Variants in TET2 observed in about 807,000 individuals in gnomAD.
The protein encoded by TET2 is tet methylcytosine dioxygenase 2.
In TET2, 299 loss-of-function variants were observed where a neutral mutation model predicts 142.9. The ratio of observed to expected loss-of-function variants is 2.09; its 90% CI spans 1.90 to 2.30. TET2 has a LOEUF of 2.30. Among genes scored for constraint, TET2 ranks in the 30% most tolerant of loss-of-function variants. TET2 has a pLI of 0.00. For missense variants in TET2, 2,418 were observed against 2,378.0 expected (o/e 1.02, Z -0.35); for synonymous variants, 819 against 849.0 (o/e 0.96, Z 0.61).
At chr4:105,240,636 A>G in intron 3 of TET2, 1 of 1,080,204 alleles carries the variant, frequency 9.3e-7, no homozygotes, top group Non-Finnish European at 1.1e-6. Context: ...AAAACACCAC[A>G]CATCTCATAG....
intron 5 of TET2, 42 bp from the exon 6 acceptor site, chr4:105,243,527 GT>G (rs1373292505): frequency 2.0e-6 from 3 of 1,534,912 alleles, no homozygotes; most frequent in Non-Finnish European, 2.6e-6. Flanking sequence ...TTTTGTTTTG[GT>G]TGGGGTGGGG....
upstream of TET2, chr4:105,146,815 A>AG (rs1268668189): frequency 1.3e-5 from 2 of 152,164 alleles, no homozygotes; most frequent in Non-Finnish European, 2.9e-5. Flanking sequence ...GGCCCCGCTG[A>AG]GTGATGAGAA....
At chr4:105,210,592 G>A (rs774316647) in intron 2 of TET2, among the ~76,000 whole-genome samples, 10 of 152,112 alleles carry the variant, frequency 6.6e-5, no homozygotes, top group Non-Finnish European at 1.5e-4. Context: ...CGAAATAGAA[G>A]CCTTAATTTT....
chr4:105,226,523 A>G (rs1314665703), intron 2 of TET2, among the ~76,000 whole-genome samples: 1 of 152,022 alleles, frequency 6.6e-6, no homozygotes, highest in Admixed American at 6.6e-5. Flanking sequence ...CCCTCATGGC[A>G]TGGTGCTGTC....
chr4:105,246,786 C>A (rs976948051), intron 6 of TET2, among the ~76,000 whole-genome samples: 4 of 152,222 alleles, frequency 2.6e-5, no homozygotes, highest in African/African-American at 9.6e-5. Flanking sequence ...TGAGTTCTTA[C>A]AAATCCCTGT....
Position 105,235,866 on chromosome 4 carries a change from C to T in TET2, c.1924C>T (p.Gln642Ter), listed in dbSNP as rs147591998. ...GTACCAAGTTGAAATGAATCAAGGG[C>T]AGTCCCAAGGTACAGTGGACCAACA... ...QMYQVEMNQG[Q>*]SQGTVDQHLQ... Residue 642 changes from glutamine to a stop codon, truncating the protein, a stop_gained, in exon 3 of 11, where the codon CAG (glutamine) becomes TAG (stop). Coordinates refer to ENST00000380013, the MANE Select transcript of TET2 (RefSeq NM_001127208.3). LOFTEE classifies it high-confidence loss of function. The T allele has an allele frequency of 1.9e-6, 3 of 1,613,948 alleles. No homozygotes were observed. Among genetic ancestry groups the T allele is most frequent in the South Asian group, 1.1e-5 (1 of 91,068 alleles).
chr4:105,170,143 T>C (rs1035824099), intron 1 of TET2, among the ~76,000 whole-genome samples: 1 of 152,174 alleles, frequency 6.6e-6, no homozygotes, highest in Non-Finnish European at 1.5e-5. Context: ...GGGAATTGCA[T>C]AGTTTATCAA....
rs1731294202 is a variant in TET2, at chr4:105,277,979, T to A, written c.*1460T>A. The A allele has an allele frequency of 4.7e-6, 1 of 214,300 alleles. No homozygotes were observed. Among genetic ancestry groups the A allele is most frequent in the South Asian group, 1.9e-4 (1 of 5,362 alleles). The allele number at this position is 214,300 out of a possible 1,614,324, so 13.3% of individuals were successfully genotyped here. ...CAGACTGATGCCTGCATAAGATGAATAAACAGGGTTAGTTCCATGTGAATC... is the reference window on the plus strand; with the variant it reads ...CAGACTGATGCCTGCATAAGATGAAAAAACAGGGTTAGTTCCATGTGAATC... On this transcript the variant is annotated 3_prime_UTR_variant, in exon 11 of 11. Transcript: ENST00000380013.
rs1553918861 is a variant in TET2, at chr4:105,278,203, T to TA, written c.*1684_*1685insA. The TA allele has an allele frequency of 4.4e-5, 7 of 159,046 alleles. No individual in the cohort carries two copies. The highest frequency in any genetic ancestry group is 7.8e-5 in the Non-Finnish European group (6 of 76,816). 9.9% of individuals were successfully genotyped at this position (159,046 alleles called of 1,614,324 possible). A position where few individuals can be genotyped will look rare whatever the true frequency, so the allele number is the denominator to read the frequency against. On this transcript the variant is annotated 3_prime_UTR_variant, in exon 11 of 11. Coordinates refer to ENST00000380013, the MANE Select transcript of TET2 (RefSeq NM_001127208.3). ...ATATATATATATATATATATATATA[T>TA]GAGTTTGAAGCAGAATTCACATCAT... is the stretch of plus-strand genomic sequence containing the variant.
chr4:105,249,167 C>T (rs1003724607), intron 6 of TET2, among the ~76,000 whole-genome samples: 9 of 151,852 alleles, frequency 5.9e-5, no homozygotes, highest in African/African-American at 1.5e-4. Flanking sequence ...GTTGGGATTA[C>T]AGTTGTGCAC....
chr4:105,187,182 A>G (rs1725508210), intron 1 of TET2, among the ~76,000 whole-genome samples: 1 of 152,236 alleles, frequency 6.6e-6, no homozygotes, highest in Admixed American at 6.5e-5. Flanking sequence ...TAAAAATGTG[A>G]TACCAACTCA....
At chr4:105,223,774 A>G (rs1430769541) in intron 2 of TET2, among the ~76,000 whole-genome samples, 1 of 152,122 alleles carries the variant, frequency 6.6e-6, no homozygotes, top group African/African-American at 2.4e-5. Flanking sequence ...ATAAATATTT[A>G]ATTCCTAACA....
Position 105,278,358 on chromosome 4 carries a change from A to G in TET2, c.*1839A>G, listed in dbSNP as rs534587252. ...GCAATAGGATATTGAACTGAGAGTG[A>G]AAGCATTGTGTACCATCATTTTTTT... On this transcript the variant is annotated 3_prime_UTR_variant, in exon 11 of 11. Transcript: ENST00000380013. 263 of 214,324 alleles carry G rather than the reference A, an allele frequency of 1.2e-3. 1 individual carries two copies. The highest frequency in any genetic ancestry group is 9.0e-3 in the Middle Eastern group (6 of 670). 13.3% of individuals were successfully genotyped at this position (214,324 alleles called of 1,614,324 possible). A position where few individuals can be genotyped will look rare whatever the true frequency, so the allele number is the denominator to read the frequency against.
chr4:105,232,708 T>G (rs1374976695), intron 2 of TET2, among the ~76,000 whole-genome samples: 1 of 152,152 alleles, frequency 6.6e-6, no homozygotes, highest in East Asian at 1.9e-4. Context: ...GTATAAACTG[T>G]AAGAGAGAGT....
At chr4:105,226,461 C>T (rs1429300293) in intron 2 of TET2, among the ~76,000 whole-genome samples, 1 of 152,076 alleles carries the variant, frequency 6.6e-6, no homozygotes, top group Non-Finnish European at 1.5e-5. Context: ...ATATAATCCC[C>T]AGTGTTGGAG....
intron 3 of TET2, chr4:105,238,461 TG>T (rs1182791757): frequency 4.0e-6 from 1 of 249,554 alleles, no homozygotes; most frequent in Non-Finnish European, 8.3e-6. Flanking sequence ...ACTGTGCTGC[TG>T]CTTTATCAAC....
intron 3 of TET2, 151 bp downstream of exon 3, chr4:105,237,502 A>T: frequency 6.2e-7 from 1 of 1,602,898 alleles, no homozygotes. Flanking sequence ...ATTTTTTGTC[A>T]AGTTACCGAT....
chr4:105,249,643 G>A (rs1729765721), intron 6 of TET2, among the ~76,000 whole-genome samples: 1 of 152,176 alleles, frequency 6.6e-6, no homozygotes, highest in Non-Finnish European at 1.5e-5. Flanking sequence ...ATCCAAGTGG[G>A]TATGAAGTTT....
intron 6 of TET2, among the ~76,000 whole-genome samples, chr4:105,255,005 T>C (rs1730051346): frequency 6.6e-6 from 1 of 152,222 alleles, no homozygotes; most frequent in South Asian, 2.1e-4. Flanking sequence ...ATTCTTTTTA[T>C]CCATCTGCTT....
Sources: allele counts gnomAD v4.1 joint callset (sites outside exome capture counted in the v4.1 genomes callset), GRCh38; gene constraint gnomAD v4.1.1; transcripts MANE v1.5; gene names NCBI Gene and HGNC (gene_info 2026-07-23, HGNC 2026-07-21).